ADGRV1: variants seen among roughly 807,000 people sequenced by gnomAD.
ADGRV1 encodes G-protein coupled receptor 98.
ADGRV1 carries 359 observed loss-of-function variants against 596.2 expected under a neutral mutation model. That is an observed-to-expected ratio of 0.60 (90% CI 0.55 to 0.66). The LOEUF (loss-of-function observed/expected upper bound fraction) is 0.66, where lower values mean the gene tolerates loss of function less well. Among genes scored for constraint, ADGRV1 ranks in the 30% least tolerant of loss-of-function variants. The pLI is 0.00. For missense variants in ADGRV1, 7,274 were observed against 7,575.6 expected (o/e 0.96, Z 1.48); for synonymous variants, 2,681 against 2,679.2 (o/e 1.00, Z -0.02).
chr5:91,054,096 T>TGAGA (rs1456077883), intron 85 of ADGRV1, among the ~76,000 whole-genome samples: 82 of 122,100 alleles, frequency 6.7e-4, no homozygotes, highest in South Asian at 3.8e-3. Flanking sequence ...TGTGTGTGTG[T>TGAGA]GTGTGTGAGA....
intron 21 of ADGRV1, among the ~76,000 whole-genome samples, chr5:90,666,735 G>A (rs1404841297): frequency 6.6e-6 from 1 of 151,548 alleles, no homozygotes; most frequent in Non-Finnish European, 1.5e-5. Context: ...GCATGATTTT[G>A]CAGCGGCTGG....
At chr5:90,927,967 T>G (rs1359412138) in intron 83 of ADGRV1, among the ~76,000 whole-genome samples, 1 of 152,194 alleles carries the variant, frequency 6.6e-6, no homozygotes, top group African/African-American at 2.4e-5. Flanking sequence ...GCCCCCACTC[T>G]CTCCTGGCTT....
chr5:90,614,569 T>G (rs1763112280), intron 1 of ADGRV1: 1 of 367,474 alleles, frequency 2.7e-6, no homozygotes, highest in South Asian at 2.8e-5. Context: ...AATAAGTAAG[T>G]TTAACTTACA....
chr5:90,738,210 T>C (rs1753498020), intron 50 of ADGRV1, among the ~76,000 whole-genome samples: 1 of 152,146 alleles, frequency 6.6e-6, no homozygotes, highest in Non-Finnish European at 1.5e-5. Context: ...TATATTTTTA[T>C]GTTCTCTCCC....
intron 85 of ADGRV1, among the ~76,000 whole-genome samples, chr5:91,049,106 G>A (rs17572752): frequency 0.042 from 6,371 of 151,504 alleles, 179 homozygotes; most frequent in Non-Finnish European, 0.061. Context: ...TGAACCAATT[G>A]ATAATTATCC....
At chr5:91,133,310 A>C (rs1356853290) in intron 87 of ADGRV1, among the ~76,000 whole-genome samples, 1 of 152,144 alleles carries the variant, frequency 6.6e-6, no homozygotes, top group Non-Finnish European at 1.5e-5. Flanking sequence ...GGGAGGAGAG[A>C]GAAGGGGTCA....
chr5:90,696,372 ATG>A (rs1255158806), intron 33 of ADGRV1, among the ~76,000 whole-genome samples: 2 of 152,036 alleles, frequency 1.3e-5, no homozygotes, highest in East Asian at 3.9e-4. Flanking sequence ...CTGGTACTTG[ATG>A]CTGTCATCTC....
At chr5:91,048,966 G>A (rs1234646807) in intron 85 of ADGRV1, among the ~76,000 whole-genome samples, 3 of 152,094 alleles carry the variant, frequency 2.0e-5, no homozygotes, top group Non-Finnish European at 4.4e-5. Flanking sequence ...GTAGATGGGT[G>A]ATGGTGACCG....
intron 1 of ADGRV1, among the ~76,000 whole-genome samples, chr5:90,575,268 C>T (rs899422854): frequency 6.6e-6 from 1 of 150,944 alleles, no homozygotes; most frequent in Admixed American, 6.6e-5. Context: ...TTATTTTATT[C>T]TTTGAGACAG....
At chr5:90,779,348 G>A (rs187183826) in intron 64 of ADGRV1, 1 of 239,530 alleles carries the variant, frequency 4.2e-6, no homozygotes, top group African/African-American at 2.2e-5. Context: ...ACTCACTCTG[G>A]GTAGCCAGGA....
At chr5:90,689,734 T>C (rs1453627585) in intron 29 of ADGRV1, 127 bp from the exon 30 acceptor site, 2 of 644,736 alleles carry the variant, frequency 3.1e-6, no homozygotes, top group Non-Finnish European at 5.4e-6. Flanking sequence ...ATAAATGTAG[T>C]CAATATCCTC....
intron 50 of ADGRV1, among the ~76,000 whole-genome samples, chr5:90,733,786 T>G (rs1009130431): frequency 3.9e-5 from 6 of 152,352 alleles, no homozygotes; most frequent in Middle Eastern, 6.8e-3. Flanking sequence ...ATTTTTGTGA[T>G]GATACAGTTG....
intron 85 of ADGRV1, among the ~76,000 whole-genome samples, chr5:91,060,378 G>GTATATATA (rs199745758): frequency 1.6e-4 from 12 of 77,074 alleles, no homozygotes; most frequent in African/African-American, 4.5e-4. Flanking sequence ...ATGTGTGTGT[G>GTATATATA]TATATATATA....
intron 83 of ADGRV1, among the ~76,000 whole-genome samples, chr5:90,880,103 A>C (rs1196139942): frequency 1.3e-5 from 2 of 152,220 alleles, no homozygotes; most frequent in East Asian, 3.9e-4. Flanking sequence ...GACTTCAGGT[A>C]TGCTACTTTA....
At chr5:91,053,768 C>T (rs544296667) in intron 85 of ADGRV1, among the ~76,000 whole-genome samples, 3 of 152,338 alleles carry the variant, frequency 2.0e-5, no homozygotes, top group South Asian at 2.1e-4. Context: ...TTTGCTATCA[C>T]ATTTAAAACA....
chr5:90,632,927 G>A (rs1249499642), intron 9 of ADGRV1, among the ~76,000 whole-genome samples: 1 of 152,178 alleles, frequency 6.6e-6, no homozygotes, highest in African/African-American at 2.4e-5. Context: ...AGAGGGCTGT[G>A]TAGTTTGCAT....
intron 83 of ADGRV1, among the ~76,000 whole-genome samples, chr5:90,907,560 T>C (rs1276759869): frequency 6.6e-6 from 1 of 152,036 alleles, no homozygotes; most frequent in Non-Finnish European, 1.5e-5. Flanking sequence ...CTCATATCTT[T>C]TTCCTTGTGG....
chr5:90,627,887 C>T, intron 7 of ADGRV1, 111 bp downstream of exon 7: 1 of 573,326 alleles, frequency 1.7e-6, no homozygotes, highest in Non-Finnish European at 2.9e-6. Flanking sequence ...GTCATTTTTT[C>T]CCACAAAGTT....
intron 58 of ADGRV1, among the ~76,000 whole-genome samples, chr5:90,760,920 C>T (rs1055909841): frequency 1.3e-5 from 2 of 152,174 alleles, no homozygotes; most frequent in African/African-American, 4.8e-5. Context: ...ATAACTATGA[C>T]ATAATATTAT....
Sources: allele counts gnomAD v4.1 joint callset (sites outside exome capture counted in the v4.1 genomes callset), GRCh38; gene constraint gnomAD v4.1.1; transcripts MANE v1.5; gene names NCBI Gene and HGNC (gene_info 2026-07-23, HGNC 2026-07-21).